The following DSCAM variants were observed in gnomAD, a reference collection of about 807,000 sequenced individuals.
DSCAM encodes the protein cell adhesion molecule DSCAM.
DSCAM carries 47 observed loss-of-function variants against 217.7 expected under a neutral mutation model. The ratio of observed to expected loss-of-function variants is 0.22; its 90% CI spans 0.17 to 0.28. The LOEUF (loss-of-function observed/expected upper bound fraction) is 0.28, where lower values mean the gene tolerates loss of function less well. Among genes scored for constraint, DSCAM ranks in the 10% least tolerant of loss-of-function variants. DSCAM has a pLI of 1.00. For missense variants in DSCAM, 2,080 were observed against 2,618.3 expected, an observed-to-expected ratio of 0.79 and a Z score of 4.49; for synonymous variants, 1,056 against 1,015.3, an observed-to-expected ratio of 1.04 and a Z score of -0.76.
chr21:40,427,500 T>C (rs2075486857), intron 3 of DSCAM, among the ~76,000 whole-genome samples: 1 of 152,116 alleles, frequency 6.6e-6, no homozygotes, highest in Non-Finnish European at 1.5e-5. Flanking sequence ...AAGGCTAAGG[T>C]CAGACCTCAA....
At chr21:40,591,472 G>A (rs1445892357) in intron 3 of DSCAM, among the ~76,000 whole-genome samples, 1 of 152,124 alleles carries the variant, frequency 6.6e-6, no homozygotes, top group Admixed American at 6.5e-5. Flanking sequence ...TTCGATATAA[G>A]TAAAGAGGAA....
chr21:40,224,325 A>G lies in DSCAM; in HGVS notation c.2357-35087T>C, dbSNP rs185383846. Among the ~76,000 whole-genome samples the G allele has an allele frequency of 1.5e-4, 23 of 152,392 alleles. No individual in the cohort carries two copies. In the East Asian group the frequency reaches 4.4e-3, roughly 29 times the overall value. On this transcript the variant is annotated intron_variant, in intron 11 of 32. Transcript: ENST00000400454. ...TAAATGGATATCATATTTAATATTT[A>G]AATGTCTCTGGTATTTACACATCTC... is the stretch of plus-strand genomic sequence containing the variant.
chr21:40,414,363 G>C (rs542317380), intron 3 of DSCAM, among the ~76,000 whole-genome samples: 1 of 152,264 alleles, frequency 6.6e-6, no homozygotes, highest in South Asian at 2.1e-4. Context: ...TATATGAACA[G>C]TCAATTAGCA....
chr21:40,187,534 T>C (rs1023119213), intron 13 of DSCAM, among the ~76,000 whole-genome samples: 3 of 152,184 alleles, frequency 2.0e-5, no homozygotes, highest in African/African-American at 7.2e-5. Context: ...ACTCAAAACA[T>C]ATTTTGGCCC....
chr21:40,341,803 T>C (rs549007150), intron 6 of DSCAM, among the ~76,000 whole-genome samples: 1 of 152,352 alleles, frequency 6.6e-6, no homozygotes, highest in South Asian at 2.1e-4. Flanking sequence ...ACAGCAAAAT[T>C]CTGTCCATTG....
chr21:40,171,104 G>A (rs139354013), intron 15 of DSCAM, among the ~76,000 whole-genome samples: 1 of 152,072 alleles, frequency 6.6e-6, no homozygotes, highest in Non-Finnish European at 1.5e-5. Context: ...TTGAGACAGG[G>A]TCTCACTCTG....
intron 3 of DSCAM, among the ~76,000 whole-genome samples, chr21:40,507,017 G>A (rs78007511): frequency 1.3e-5 from 2 of 152,186 alleles, no homozygotes; most frequent in Admixed American, 6.5e-5. Context: ...AGCGGCTCAC[G>A]CCTGTAATCC....
chr21:40,275,123 G>C (rs1478865385), intron 11 of DSCAM, among the ~76,000 whole-genome samples: 2 of 151,836 alleles, frequency 1.3e-5, no homozygotes, highest in Non-Finnish European at 2.9e-5. Context: ...GAAGGAGCTT[G>C]AGACCAGCCT....
chr21:40,577,972 G>A (rs1053736843), intron 3 of DSCAM, among the ~76,000 whole-genome samples: 1 of 152,180 alleles, frequency 6.6e-6, no homozygotes, highest in African/African-American at 2.4e-5. Context: ...GCCAGTCAAA[G>A]AGCCAAGATG....
chr21:40,342,646 A>ATT (rs1452290469), intron 6 of DSCAM, among the ~76,000 whole-genome samples: 21 of 83,598 alleles, frequency 2.5e-4, no homozygotes, highest in African/African-American at 8.0e-4. Flanking sequence ...ATATATATAT[A>ATT]TATTTTTTTT....
intron 1 of DSCAM, among the ~76,000 whole-genome samples, chr21:40,821,777 T>C (rs2091930282): frequency 6.6e-6 from 1 of 152,046 alleles, no homozygotes; most frequent in African/African-American, 2.4e-5. Flanking sequence ...AAATACCTAC[T>C]ACGTGTCATC....
intron 1 of DSCAM, among the ~76,000 whole-genome samples, chr21:40,803,973 C>G (rs746651717): frequency 2.0e-5 from 3 of 152,134 alleles, no homozygotes; most frequent in Non-Finnish European, 2.9e-5. Context: ...GCCTCAGACT[C>G]TTTACTCTCA....
chr21:40,564,376 C>G (rs191082604), intron 3 of DSCAM, among the ~76,000 whole-genome samples: 6 of 152,160 alleles, frequency 3.9e-5, no homozygotes, highest in African/African-American at 1.2e-4. Flanking sequence ...AGTAACTAAT[C>G]TTCAGAGTAA....
intron 3 of DSCAM, among the ~76,000 whole-genome samples, chr21:40,380,301 A>G (rs2123726499): frequency 6.6e-6 from 1 of 152,246 alleles, no homozygotes; most frequent in East Asian, 1.9e-4. Flanking sequence ...ATCCTTAGAA[A>G]GAATATAATT....
chr21:40,029,425 T>G (rs1235258959), intron 32 of DSCAM, among the ~76,000 whole-genome samples: 3 of 125,038 alleles, frequency 2.4e-5, no homozygotes, highest in Non-Finnish European at 5.6e-5. Flanking sequence ...CATTTGAGGT[T>G]GTTTTTTTTT....
At chr21:40,530,995 C>T (rs1048357262) in intron 3 of DSCAM, among the ~76,000 whole-genome samples, 2 of 152,092 alleles carry the variant, frequency 1.3e-5, no homozygotes, top group African/African-American at 2.4e-5. Context: ...AGACTCCCCT[C>T]GACTGAACTA....
At chr21:40,029,209 T>C (rs559750183) in intron 32 of DSCAM, among the ~76,000 whole-genome samples, 1 of 151,962 alleles carries the variant, frequency 6.6e-6, no homozygotes, top group Non-Finnish European at 1.5e-5. Context: ...GATTACTGCT[T>C]CTTCTTCTTA....
intron 10 of DSCAM, 32 bp from the exon 11 acceptor site, chr21:40,276,302 G>A (rs1043833477): frequency 6.4e-7 from 1 of 1,557,764 alleles, no homozygotes; most frequent in Non-Finnish European, 8.7e-7. Context: ...GAGCAATGAT[G>A]CAAACGAGAG....
chr21:40,733,113 T>C (rs2091029278), intron 1 of DSCAM, among the ~76,000 whole-genome samples: 1 of 152,076 alleles, frequency 6.6e-6, no homozygotes, highest in South Asian at 2.1e-4. Flanking sequence ...ACTGGGAGGG[T>C]GCAGACATGC....
Sources: allele counts gnomAD v4.1 joint callset (sites outside exome capture counted in the v4.1 genomes callset), GRCh38; gene constraint gnomAD v4.1.1; transcripts MANE v1.5; gene names NCBI Gene and HGNC (gene_info 2026-07-23, HGNC 2026-07-21).